SGK1: variants seen among roughly 807,000 people sequenced by gnomAD.
SGK1 encodes the protein serine/threonine-protein kinase Sgk1.
In SGK1, 26 loss-of-function variants were observed where a neutral mutation model predicts 64.2. The ratio of observed to expected loss-of-function variants is 0.40; its 90% CI spans 0.30 to 0.56. SGK1 has a LOEUF of 0.56. Ranked by LOEUF, SGK1 falls within the 20% of genes least tolerant of loss-of-function variation. The probability of loss-of-function intolerance (pLI) is 0.38; values close to 1 mark genes in which losing one functional copy is unlikely to be tolerated. For synonymous variants in SGK1, 265 were observed against 239.7 expected (o/e 1.11, Z -0.98); for missense variants, 519 against 645.6 (o/e 0.80, Z 2.12).
chr6:134,309,258 A>C (rs1777577276), intron 1 of SGK1, among the ~76,000 whole-genome samples: 1 of 152,228 alleles, frequency 6.6e-6, no homozygotes, highest in African/African-American at 2.4e-5. Context: ...TAGATGTGAG[A>C]GTAAACAAAC....
At chr6:134,251,280 T>C (rs1217223418) in intron 2 of SGK1, among the ~76,000 whole-genome samples, 2 of 152,210 alleles carry the variant, frequency 1.3e-5, no homozygotes, top group Non-Finnish European at 2.9e-5. Context: ...CCCTTAAATT[T>C]TGTTCCTGCT....
intron 3 of SGK1, among the ~76,000 whole-genome samples, chr6:134,202,956 A>T (rs575305564): frequency 6.6e-6 from 1 of 152,292 alleles, no homozygotes; most frequent in Admixed American, 6.5e-5. Context: ...AAAGTCATTT[A>T]TTCTCAGCTG....
At chr6:134,270,375 A>G (rs1167918159) in intron 1 of SGK1, among the ~76,000 whole-genome samples, 2 of 148,026 alleles carry the variant, frequency 1.4e-5, no homozygotes, top group East Asian at 4.8e-4. Context: ...CTTAGGAAAA[A>G]AAAAAATTCC....
At chr6:134,277,522 C>A (rs1469290833) in intron 1 of SGK1, among the ~76,000 whole-genome samples, 2 of 151,898 alleles carry the variant, frequency 1.3e-5, no homozygotes, top group Non-Finnish European at 2.9e-5. Flanking sequence ...CAGACCCAGG[C>A]AGGTGTGAGA....
At chr6:134,181,114 C>T (rs758674518) in intron 3 of SGK1, among the ~76,000 whole-genome samples, 4 of 152,176 alleles carry the variant, frequency 2.6e-5, no homozygotes, top group Non-Finnish European at 5.9e-5. Context: ...ACTTCCCCCA[C>T]AAGTCCAGCA....
At chr6:134,298,233 GC>G in intron 1 of SGK1, 3 of 1,572,894 alleles carry the variant, frequency 1.9e-6, no homozygotes, top group Non-Finnish European at 8.7e-7. Flanking sequence ...GCTTCTCCTG[GC>G]CCCGAGTCTC....
chr6:134,263,729 C>T (rs543107310), intron 1 of SGK1, among the ~76,000 whole-genome samples: 69 of 152,166 alleles, frequency 4.5e-4, no homozygotes, highest in African/African-American at 1.6e-3. Context: ...AATCAAGGCA[C>T]TTTTTAAAGT....
chr6:134,174,750 T>C, intron 3 of SGK1, 164 bp from the exon 4 acceptor site: 4 of 1,614,206 alleles, frequency 2.5e-6, no homozygotes, highest in Non-Finnish European at 2.5e-6. Flanking sequence ...ATTGCCACCA[T>C]GCCCCTCATC....
chr6:134,216,679 T>C (rs1775991429), intron 2 of SGK1, among the ~76,000 whole-genome samples: 1 of 152,240 alleles, frequency 6.6e-6, no homozygotes, highest in African/African-American at 2.4e-5. Context: ...TGGAACCCGA[T>C]ATCATGTACC....
In SGK1 at chr6:134,174,530, T is replaced by C; in HGVS notation, c.418A>G (p.Asn140Asp). The C allele has an allele frequency of 6.2e-7, 1 of 1,613,430 alleles. No individual in the cohort carries two copies. Among genetic ancestry groups the C allele is most frequent in the East Asian group, 2.2e-5 (1 of 44,900 alleles). ...ACTTACTGTTTGCATGCATAGGAGT[T>C]ATTGGCAATCTTCTGAATAAAGTCG... ...LNDFIQKIANNSYACKHPEVQ... is the reference protein window; with the variant it reads ...LNDFIQKIANDSYACKHPEVQ... Residue 140 changes from asparagine (N) to aspartate (D), a missense_variant, in exon 4 of 14, where the codon AAC (asparagine) becomes GAC (aspartate). Asn to Asp is a conservative substitution (Grantham distance 23, BLOSUM62 1). Around this residue, in one of 2 missense-constraint regions of SGK1, gnomAD observed 241 missense variants for 236.9 expected, o/e 1.02. Coordinates refer to ENST00000367858, the MANE Select transcript of SGK1 (RefSeq NM_001143676.3).
intron 2 of SGK1, among the ~76,000 whole-genome samples, chr6:134,217,642 G>C (rs556023167): frequency 1.7e-4 from 26 of 152,214 alleles, no homozygotes; most frequent in Non-Finnish European, 3.1e-4. Flanking sequence ...CGCTCATAAA[G>C]ATGATGGTTT....
At chr6:134,297,770 G>A (rs1466802426) in intron 1 of SGK1, 9 of 517,074 alleles carry the variant, frequency 1.7e-5, no homozygotes, top group Non-Finnish European at 3.2e-5. Context: ...CAAAGTGCTG[G>A]GATTACAGGC....
At chr6:134,173,884 T>C (rs1775120042) in intron 5 of SGK1, 121 bp downstream of exon 5, 2 of 703,640 alleles carry the variant, frequency 2.8e-6, no homozygotes, top group Admixed American at 2.7e-5. Context: ...TGTTATGCCA[T>C]AATGAAGCAT....
chr6:134,316,852 A>T (rs1371553695), intron 1 of SGK1, among the ~76,000 whole-genome samples: 1 of 151,948 alleles, frequency 6.6e-6, no homozygotes, highest in East Asian at 1.9e-4. Flanking sequence ...TCATTTCTGT[A>T]AAAGGTCATT....
At position 134,172,324 on chromosome 6, in the gene SGK1, A is replaced by G. The variant is rs760092718; in HGVS notation, c.948-8T>C. The stretch of plus-strand genomic sequence containing the variant: ...TTCTCTGGTTTTAAGTCTCTGTAAA[A>G]AAGTGAATAGAAAAGTAGTTGCACA... On this transcript the variant is annotated splice_polypyrimidine_tract_variant and splice_region_variant and intron_variant, in intron 9 of 13. Transcript: ENST00000367858. 21 of 1,608,110 alleles carry G rather than the reference A, an allele frequency of 1.3e-5. No individual in the cohort carries two copies. Among genetic ancestry groups the G allele is most frequent in the Non-Finnish European group, 1.6e-5 (19 of 1,177,590 alleles).
At chr6:134,253,994 G>A (rs1006058572) in intron 2 of SGK1, among the ~76,000 whole-genome samples, 2 of 152,026 alleles carry the variant, frequency 1.3e-5, no homozygotes, top group African/African-American at 4.8e-5. Context: ...CCATATGAGA[G>A]GGCAAACTTA....
intron 11 of SGK1, 176 bp from the exon 12 acceptor site, chr6:134,171,354 G>T (rs556332407): frequency 1.2e-5 from 8 of 653,996 alleles, no homozygotes; most frequent in South Asian, 7.6e-5. Flanking sequence ...ACCCGTGTGT[G>T]TGTTTGTGTG....
In SGK1 at chr6:134,175,013, G is replaced by T. The variant is rs544860866; in HGVS notation, c.362-427C>A. On this transcript the variant is annotated intron_variant, in intron 3 of 13. Transcript: ENST00000367858. ...TGCTGGCGGCTACGCTGCCTGCGGC[G>T]GGCGGTTCTGTCCCCATTGAGAGGG... The T allele has an allele frequency of 1.4e-5, 15 of 1,066,566 alleles. No homozygotes were observed. In the Admixed American group the frequency reaches 3.6e-4, roughly 26 times the overall value. 66.1% of individuals were successfully genotyped at this position (1,066,566 alleles called of 1,614,324 possible).
intron 2 of SGK1, among the ~76,000 whole-genome samples, chr6:134,226,137 AGAAG>A (rs1350268259): frequency 1.3e-5 from 2 of 151,358 alleles, no homozygotes; most frequent in African/African-American, 4.9e-5. Flanking sequence ...AAGAAAGGAA[AGAAG>A]GAAGGAAGGA....
Sources: allele counts gnomAD v4.1 joint callset (sites outside exome capture counted in the v4.1 genomes callset), GRCh38; gene constraint gnomAD v4.1.1; regional missense constraint gnomAD v4.1.1; transcripts MANE v1.5; gene names NCBI Gene and HGNC (gene_info 2026-07-23, HGNC 2026-07-21).